MYO1B: variants seen among roughly 807,000 people sequenced by gnomAD.
The protein encoded by MYO1B is myosin IB, also known as unconventional myosin-Ib.
Under a neutral mutation model 159.7 loss-of-function variants are expected in MYO1B, and 72 were observed. The ratio of observed to expected loss-of-function variants is 0.45; its 90% CI spans 0.37 to 0.55. The LOEUF is 0.55. MYO1B is among the 20% of genes least tolerant of loss of function. The pLI, the probability that MYO1B is intolerant of heterozygous loss-of-function variation, is 0.00. For missense variants in MYO1B, 1,062 were observed against 1,364.8 expected, an observed-to-expected ratio of 0.78 and a Z score of 3.50; for synonymous variants, 468 against 473.8, an observed-to-expected ratio of 0.99 and a Z score of 0.16.
chr2:191,289,817 A>C (rs572882784), intron 2 of MYO1B, among the ~76,000 whole-genome samples: 1 of 151,898 alleles, frequency 6.6e-6, no homozygotes, highest in African/African-American at 2.4e-5. Context: ...AAAGATCTCT[A>C]TCTTACCCTG....
chr2:191,343,196 G>A (rs1386509589), intron 5 of MYO1B, among the ~76,000 whole-genome samples: 1 of 152,204 alleles, frequency 6.6e-6, no homozygotes, highest in Non-Finnish European at 1.5e-5. Flanking sequence ...TAGATAGGTA[G>A]TTTGGTGGAA....
chr2:191,419,543 T>C (rs1313159748), intron 30 of MYO1B, among the ~76,000 whole-genome samples: 1 of 152,206 alleles, frequency 6.6e-6, no homozygotes, highest in Non-Finnish European at 1.5e-5. Flanking sequence ...ATCTTTATTT[T>C]AGCGTGTATG....
chr2:191,388,657 A>G (rs1401112890), intron 17 of MYO1B, among the ~76,000 whole-genome samples: 2 of 152,182 alleles, frequency 1.3e-5, no homozygotes, highest in African/African-American at 4.8e-5. Context: ...AAAAAACCCA[A>G]GAAACTTTCT....
chr2:191,343,829 T>C (rs1217837537), intron 5 of MYO1B, among the ~76,000 whole-genome samples: 2 of 152,198 alleles, frequency 1.3e-5, no homozygotes, highest in Admixed American at 1.3e-4. Context: ...TGGGAATGCT[T>C]TACTTTTTAG....
intron 3 of MYO1B, among the ~76,000 whole-genome samples, chr2:191,298,644 T>C (rs1689124184): frequency 6.6e-6 from 1 of 152,224 alleles, no homozygotes; most frequent in African/African-American, 2.4e-5. Context: ...TTACTGCAAT[T>C]TGTGATCTTT....
chr2:191,248,771 A>G (rs1387509131), intron 1 of MYO1B, among the ~76,000 whole-genome samples: 1 of 152,212 alleles, frequency 6.6e-6, no homozygotes, highest in African/African-American at 2.4e-5. Context: ...CCCAAAGTCC[A>G]TACTCTTTAG....
chr2:191,421,104 C>CT (rs1697908152), intron 30 of MYO1B, among the ~76,000 whole-genome samples: 1 of 143,242 alleles, frequency 7.0e-6, no homozygotes, highest in Non-Finnish European at 1.5e-5. Flanking sequence ...GAGTCTTGCT[C>CT]TGTCGCCTAG....
At chr2:191,406,900 A>T (rs1291407031) in intron 24 of MYO1B, among the ~76,000 whole-genome samples, 1 of 152,208 alleles carries the variant, frequency 6.6e-6, no homozygotes, top group Non-Finnish European at 1.5e-5. Flanking sequence ...TTTAAACCTT[A>T]ACAGTCTTTA....
chr2:191,307,931 C>T (rs1689751439), intron 3 of MYO1B, among the ~76,000 whole-genome samples: 1 of 152,148 alleles, frequency 6.6e-6, no homozygotes, highest in Admixed American at 6.5e-5. Flanking sequence ...TACCACCTTC[C>T]CAGCATGTCA....
chr2:191,310,391 T>TG (rs1375347651), intron 3 of MYO1B, among the ~76,000 whole-genome samples: 1 of 151,948 alleles, frequency 6.6e-6, no homozygotes, highest in Non-Finnish European at 1.5e-5. Context: ...TTAGTAGAGA[T>TG]GGGGTTTCAC....
intron 1 of MYO1B, among the ~76,000 whole-genome samples, chr2:191,272,769 A>G (rs2125725771): frequency 6.6e-6 from 1 of 152,320 alleles, no homozygotes; most frequent in East Asian, 1.9e-4. Context: ...AAGTCTCAAG[A>G]TACCACGGGC....
chr2:191,373,689 C>T (rs1002338494), intron 13 of MYO1B, among the ~76,000 whole-genome samples: 3 of 152,164 alleles, frequency 2.0e-5, no homozygotes, highest in Non-Finnish European at 4.4e-5. Context: ...GCAGGAAAAT[C>T]GCTTGAACCT....
intron 29 of MYO1B, 59 bp downstream of exon 29, chr2:191,414,728 T>C: frequency 2.6e-6 from 4 of 1,548,298 alleles, no homozygotes; most frequent in Non-Finnish European, 3.5e-6. Context: ...TTAAAAAATT[T>C]CCATATCTGA....
At chr2:191,317,352 GGA>G (rs1341418557) in intron 3 of MYO1B, among the ~76,000 whole-genome samples, 13 of 152,224 alleles carry the variant, frequency 8.5e-5, no homozygotes, top group Non-Finnish European at 2.9e-5. Flanking sequence ...AAGCAAGGTA[GGA>G]GGGATAGGAG....
chr2:191,327,515 A>G (rs1156359644), intron 3 of MYO1B, among the ~76,000 whole-genome samples: 3 of 152,246 alleles, frequency 2.0e-5, no homozygotes, highest in Non-Finnish European at 2.9e-5. Flanking sequence ...AGCCATGGTA[A>G]TGACTTGCTT....
rs1697446547 is a variant in MYO1B at position 191,414,546 on chromosome 2, C to T, written c.3036C>T (p.Asn1012=). The part of the protein sequence containing the change: ...KSTSRIFLLT[N]NNLLLADQKS... ...CATCTCGGATTTTCCTCTTAACAAA[C>T]AATAATCTCCTTCTTGCTGACCAAA... The change falls in exon 29 of 31, where the codon AAC becomes AAT. Residue 1012 remains asparagine, a synonymous_variant. Coordinates refer to ENST00000392318, the MANE Select transcript of MYO1B (RefSeq NM_001130158.3). The T allele has an allele frequency of 6.2e-7, 1 of 1,611,222 alleles. No homozygotes were observed. The highest frequency in any genetic ancestry group is 1.1e-5 in the South Asian group (1 of 90,110).
chr2:191,397,949 A>G (rs1305945625), intron 21 of MYO1B, among the ~76,000 whole-genome samples: 1 of 15,128 alleles, frequency 6.6e-5, no homozygotes. Flanking sequence ...GGGCGGGCCG[A>G]CCCCCCCACC....
chr2:191,300,891 TA>T (rs1689289224), intron 3 of MYO1B, among the ~76,000 whole-genome samples: 1 of 152,136 alleles, frequency 6.6e-6, no homozygotes. Context: ...TTTAGGTAAT[TA>T]AAAAATAATT....
intron 3 of MYO1B, among the ~76,000 whole-genome samples, chr2:191,329,486 TA>T (rs1209750278): frequency 6.6e-6 from 1 of 151,972 alleles, no homozygotes; most frequent in East Asian, 1.9e-4. Flanking sequence ...TATCCAATTT[TA>T]GACATGTGGT....
Sources: allele counts gnomAD v4.1 joint callset (sites outside exome capture counted in the v4.1 genomes callset), GRCh38; gene constraint gnomAD v4.1.1; transcripts MANE v1.5; gene names NCBI Gene and HGNC (gene_info 2026-07-23, HGNC 2026-07-21).